CSMD1: variants seen among roughly 807,000 people sequenced by gnomAD.
CSMD1 encodes the protein CUB and sushi domain-containing protein 1.
In CSMD1, 213 loss-of-function variants were observed where a neutral mutation model predicts 417.5. The observed-to-expected ratio is 0.51, with a 90% CI of 0.46 to 0.57. The LOEUF (loss-of-function observed/expected upper bound fraction) is 0.57. CSMD1 is among the 20% of genes least tolerant of loss of function. CSMD1 has a pLI of 0.00. For missense variants in CSMD1, 6,923 were observed against 4,529.7 expected, an observed-to-expected ratio of 1.53 and a Z score of -15.17; for synonymous variants, 2,862 against 1,736.8, an observed-to-expected ratio of 1.65 and a Z score of -16.11.
intron 3 of CSMD1, among the ~76,000 whole-genome samples, chr8:4,117,387 G>A (rs900705144): frequency 1.3e-5 from 2 of 151,144 alleles, no homozygotes; most frequent in Non-Finnish European, 2.9e-5. Context: ...AGGCAAAGGA[G>A]CTCCCAAGCT....
rs376255664 is a variant in CSMD1 at position 3,736,609 on chromosome 8, A to G, written c.931+17321T>C. On this transcript the variant is annotated intron_variant, in intron 6 of 69. Transcript: ENST00000635120. Reference sequence around the variant, plus strand: ...CCCAGGCCCTGGCTCCTGCAACACCAGGCAATGGCAGAGTGAATCTTTCTC... The same window carrying G: ...CCCAGGCCCTGGCTCCTGCAACACCGGGCAATGGCAGAGTGAATCTTTCTC... 6.4e-4 allele frequency among the ~76,000 whole-genome samples: 97 copies of G among 152,282 alleles called. 1 individual carries two copies. In the South Asian group the frequency reaches 0.018, roughly 28 times the overall value.
At chr8:4,555,223 C>A (rs1276912105) in intron 2 of CSMD1, among the ~76,000 whole-genome samples, 1 of 152,128 alleles carries the variant, frequency 6.6e-6, no homozygotes, top group African/African-American at 2.4e-5. Context: ...GGAAGACCAG[C>A]TTACGGGTTA....
At chr8:3,431,850 C>A (rs778090616) in intron 12 of CSMD1, among the ~76,000 whole-genome samples, 22 of 152,192 alleles carry the variant, frequency 1.4e-4, no homozygotes, top group Non-Finnish European at 2.5e-4. Flanking sequence ...TCCTACCAGC[C>A]TGCCACCACG....
chr8:4,773,940 A>G (rs561075202), intron 1 of CSMD1, among the ~76,000 whole-genome samples: 2 of 152,332 alleles, frequency 1.3e-5, no homozygotes, highest in East Asian at 3.9e-4. Flanking sequence ...TCACGCCTGA[A>G]ATCTCAGCAC....
At chr8:4,200,851 C>G (rs1279703589) in intron 3 of CSMD1, among the ~76,000 whole-genome samples, 1 of 151,992 alleles carries the variant, frequency 6.6e-6, no homozygotes, top group Non-Finnish European at 1.5e-5. Flanking sequence ...AAGTGAAACC[C>G]TGTCTCAAAA....
intron 12 of CSMD1, among the ~76,000 whole-genome samples, chr8:3,413,792 T>C (rs1812960366): frequency 1.3e-5 from 2 of 152,142 alleles, no homozygotes; most frequent in Non-Finnish European, 2.9e-5. Flanking sequence ...ACAGTATGTG[T>C]GTCAAACCCC....
rs1312056347 is a variant in CSMD1 at position 4,411,999 on chromosome 8, T to TGG, written c.415+7953_415+7954insCC. On this transcript the variant is annotated intron_variant, in intron 3 of 69. Coordinates refer to ENST00000635120, the MANE Select transcript of CSMD1 (RefSeq NM_033225.6). Reference sequence around the variant, plus strand: ...AGCAACATAGCTAAGGGTGTGTGTGTGTGTGTGTGTGTGTGTGTAGCCAGG... The same window carrying TGG: ...AGCAACATAGCTAAGGGTGTGTGTGTGGGTGTGTGTGTGTGTGTGTAGCCAGG... Among the ~76,000 whole-genome samples, 7 of 143,308 alleles carry TGG rather than the reference T, an allele frequency of 4.9e-5. No homozygotes were observed. The East Asian group carries it at 1.2e-3, about 24-fold the overall frequency. 94.0% of individuals were successfully genotyped at this position (143,308 alleles called of 152,430 possible).
At chr8:4,414,755 T>C (rs1359632336) in intron 3 of CSMD1, among the ~76,000 whole-genome samples, 1 of 152,180 alleles carries the variant, frequency 6.6e-6, no homozygotes, top group African/African-American at 2.4e-5. Context: ...CAGATTTTTA[T>C]CCAAAAATAT....
intron 7 of CSMD1, among the ~76,000 whole-genome samples, chr8:3,642,235 C>G (rs544104946): frequency 1.3e-5 from 2 of 151,358 alleles, no homozygotes; most frequent in Non-Finnish European, 2.9e-5. Flanking sequence ...ATGGTGAAAC[C>G]CCCAAGAAGT....
chr8:4,890,637 G>A (rs544025050), intron 1 of CSMD1, among the ~76,000 whole-genome samples: 2 of 152,024 alleles, frequency 1.3e-5, no homozygotes, highest in African/African-American at 4.8e-5. Flanking sequence ...CACAGCCATG[G>A]GCATCCTGGG....
At chr8:3,725,201 T>G (rs1585137962) in intron 6 of CSMD1, among the ~76,000 whole-genome samples, 1 of 151,994 alleles carries the variant, frequency 6.6e-6, no homozygotes, top group South Asian at 2.1e-4. Context: ...TTCAAGGAAA[T>G]GAAAGTGAAA....
At chr8:4,528,342 G>A (rs763720906) in intron 2 of CSMD1, among the ~76,000 whole-genome samples, 13 of 152,152 alleles carry the variant, frequency 8.5e-5, no homozygotes, top group Admixed American at 2.0e-4. Context: ...AAAGAAGGTG[G>A]GATCCAGGAA....
At chr8:4,717,167 T>G (rs1005178644) in intron 1 of CSMD1, among the ~76,000 whole-genome samples, 9 of 151,624 alleles carry the variant, frequency 5.9e-5, no homozygotes, top group African/African-American at 1.9e-4. Flanking sequence ...CAGTGAGATA[T>G]TTGGGAGTCA....
intron 3 of CSMD1, among the ~76,000 whole-genome samples, chr8:4,181,954 C>CTGTGTGTG: frequency 4.2e-5 from 1 of 23,968 alleles, no homozygotes; most frequent in Non-Finnish European, 9.4e-5. Flanking sequence ...TTGTCTGTGT[C>CTGTGTGTG]TGCGTGTGTG....
At chr8:4,263,393 C>A (rs1563355988) in intron 3 of CSMD1, among the ~76,000 whole-genome samples, 1 of 152,172 alleles carries the variant, frequency 6.6e-6, no homozygotes, top group Non-Finnish European at 1.5e-5. Context: ...CCTGCTTTGA[C>A]CACATTTCTA....
At chr8:4,335,687 G>A (rs574253318) in intron 3 of CSMD1, among the ~76,000 whole-genome samples, 1 of 152,132 alleles carries the variant, frequency 6.6e-6, no homozygotes, top group South Asian at 2.1e-4. Context: ...GTGCAAAATT[G>A]TTACAGAATA....
chr8:4,636,702 A>C (rs1369932230), intron 2 of CSMD1, among the ~76,000 whole-genome samples: 1 of 152,252 alleles, frequency 6.6e-6, no homozygotes, highest in African/African-American at 2.4e-5. Flanking sequence ...CTTTCAATAA[A>C]AAGTTAAATT....
At chr8:2,977,757 T>C (rs942045722) in intron 55 of CSMD1, among the ~76,000 whole-genome samples, 9 of 152,066 alleles carry the variant, frequency 5.9e-5, no homozygotes, top group Admixed American at 3.3e-4. Flanking sequence ...CATTAAAAAG[T>C]GGGCAAAGGA....
intron 1 of CSMD1, among the ~76,000 whole-genome samples, chr8:4,928,074 C>G (rs1024710128): frequency 5.3e-5 from 8 of 152,112 alleles, no homozygotes; most frequent in Non-Finnish European, 7.4e-5. Flanking sequence ...CTCCTGTGGC[C>G]TCTCTGAGCT....
Sources: gnomAD v4.1 joint callset for allele counts (sites outside exome capture counted in the v4.1 genomes callset) on GRCh38, gnomAD v4.1.1 for gene constraint, MANE v1.5 for transcripts, NCBI Gene and HGNC (gene_info 2026-07-23, HGNC 2026-07-21) for gene names.